The following IL1RAPL2 variants were observed in gnomAD, a reference collection of about 807,000 sequenced individuals.
IL1RAPL2 encodes interleukin 1 receptor accessory protein like 2, also known as X-linked interleukin-1 receptor accessory protein-like 2.
A neutral mutation model predicts 44.1 loss-of-function variants in IL1RAPL2; 3 were observed. That is an observed-to-expected ratio of 0.07 (90% CI 0.03 to 0.18). The LOEUF is 0.18. IL1RAPL2 is among the 10% of genes least tolerant of loss of function. The pLI, the probability that IL1RAPL2 is intolerant of heterozygous loss-of-function variation, is 1.00. For missense variants in IL1RAPL2, 391 were observed against 496.4 expected, an observed-to-expected ratio of 0.79 and a Z score of 2.02; for synonymous variants, 181 against 178.8, an observed-to-expected ratio of 1.01 and a Z score of -0.10.
In IL1RAPL2 at chrX:104,715,430, A is replaced by AC. The variant is rs1202628494; in HGVS notation, c.82+56435_82+56436insC. Among the ~76,000 whole-genome samples the AC allele has an allele frequency of 1.4e-4, 15 of 107,249 alleles. No homozygotes were observed. In the East Asian group the frequency reaches 1.5e-3, roughly 11 times the overall value. The allele number at this position is 107,249 out of a possible 115,157, so 93.1% of individuals were successfully genotyped here. A position where few individuals can be genotyped will look rare whatever the true frequency, so the allele number is the denominator to read the frequency against. ...TTTCTATTTTTTCAAAAAAAAAAAA[A>AC]AAAACCAGATCCTGGATTAGTTGAT... is the stretch of plus-strand genomic sequence containing the variant. On this transcript the variant is annotated intron_variant, in intron 2 of 10. Transcript: ENST00000372582.
intron 10 of IL1RAPL2, among the ~76,000 whole-genome samples, chrX:105,762,974 C>T (rs2038700004): frequency 9.0e-6 from 1 of 110,714 alleles, no homozygotes; most frequent in Non-Finnish European, 1.9e-5. Context: ...AAAACCACAA[C>T]CCTATGAGGG....
chrX:104,832,303 T>G, intron 2 of IL1RAPL2, among the ~76,000 whole-genome samples: 1 of 111,759 alleles, frequency 8.9e-6, no homozygotes, highest in East Asian at 2.8e-4. Flanking sequence ...CATATATAAT[T>G]ATGGGGCACA....
At chrX:104,949,041 C>G (rs768389517) in intron 2 of IL1RAPL2, among the ~76,000 whole-genome samples, 1 of 110,309 alleles carries the variant, frequency 9.1e-6, no homozygotes, top group South Asian at 4.0e-4. Flanking sequence ...GTGAATCCAT[C>G]TCGTCCTGGA....
chrX:104,917,302 G>A (rs928971707), intron 2 of IL1RAPL2, among the ~76,000 whole-genome samples: 47 of 111,698 alleles, frequency 4.2e-4, no homozygotes, highest in Non-Finnish European at 1.5e-4. Context: ...AATCTGAAAG[G>A]CTCAAAGTCT....
chrX:105,587,745 TA>T (rs1279828124), intron 6 of IL1RAPL2, among the ~76,000 whole-genome samples: 4 of 112,009 alleles, frequency 3.6e-5, no homozygotes, highest in Non-Finnish European at 7.5e-5. Flanking sequence ...ATATGTTTTT[TA>T]AAAATTTCCA....
At chrX:104,604,608 G>A (rs777176846) in intron 1 of IL1RAPL2, among the ~76,000 whole-genome samples, 13 of 64,331 alleles carry the variant, frequency 2.0e-4, no homozygotes, top group African/African-American at 8.3e-4. Flanking sequence ...AGGGATGGAG[G>A]AATATTTACT....
intron 2 of IL1RAPL2, among the ~76,000 whole-genome samples, chrX:104,933,034 C>G (rs1043550477): frequency 3.6e-5 from 4 of 111,802 alleles, no homozygotes; most frequent in Admixed American, 9.5e-5. Flanking sequence ...TTTGGATTGA[C>G]AGTCAAATTA....
At chrX:105,292,099 A>G (rs934524545) in intron 5 of IL1RAPL2, among the ~76,000 whole-genome samples, 2 of 111,634 alleles carry the variant, frequency 1.8e-5, no homozygotes, top group African/African-American at 6.5e-5. Context: ...TAATGATATT[A>G]ATATATATGA....
intron 5 of IL1RAPL2, among the ~76,000 whole-genome samples, chrX:105,420,480 A>G (rs749202136): frequency 3.6e-5 from 4 of 112,092 alleles, no homozygotes; most frequent in Non-Finnish European, 5.6e-5. Context: ...GCAACTTCAC[A>G]TGACCCTTCC....
At chrX:105,420,214 A>C (rs2035764339) in intron 5 of IL1RAPL2, among the ~76,000 whole-genome samples, 1 of 111,402 alleles carries the variant, frequency 9.0e-6, no homozygotes, top group Non-Finnish European at 1.9e-5. Flanking sequence ...GTTAGGCTCC[A>C]CTCTGAAATT....
chrX:105,578,166 T>G (rs1177342647), intron 6 of IL1RAPL2, among the ~76,000 whole-genome samples: 4 of 109,360 alleles, frequency 3.7e-5, no homozygotes, highest in Non-Finnish European at 5.7e-5. Context: ...TTTATAATCA[T>G]TTGTAACAGC....
chrX:105,454,936 TA>T (rs2036045049), intron 5 of IL1RAPL2, among the ~76,000 whole-genome samples: 1 of 105,204 alleles, frequency 9.5e-6, no homozygotes, highest in African/African-American at 3.5e-5. Context: ...ACTGAAGCAC[TA>T]GCGGATACCA....
At chrX:104,672,448 A>G (rs1930629626) in intron 2 of IL1RAPL2, among the ~76,000 whole-genome samples, 1 of 109,836 alleles carries the variant, frequency 9.1e-6, no homozygotes, top group African/African-American at 3.3e-5. Context: ...ATGGCTGCAT[A>G]GTATTCCATG....
At chrX:105,343,015 C>T (rs1412007063) in intron 5 of IL1RAPL2, among the ~76,000 whole-genome samples, 2 of 109,409 alleles carry the variant, frequency 1.8e-5, no homozygotes, top group African/African-American at 6.9e-5. Context: ...TTCTGAAATC[C>T]AGGCAATAGA....
At chrX:104,680,061 G>C (rs1427075116) in intron 2 of IL1RAPL2, among the ~76,000 whole-genome samples, 1 of 111,778 alleles carries the variant, frequency 8.9e-6, no homozygotes, top group African/African-American at 3.3e-5. Context: ...GGACCAGACA[G>C]GTTTTTCAAT....
chrX:105,095,301 G>A (rs923528792), intron 2 of IL1RAPL2, among the ~76,000 whole-genome samples: 3 of 111,402 alleles, frequency 2.7e-5, no homozygotes, highest in African/African-American at 9.8e-5. Context: ...CTAGCTTTGT[G>A]TTTTTAATAG....
chrX:105,154,692 G>A (rs2033255289), intron 2 of IL1RAPL2, among the ~76,000 whole-genome samples: 1 of 110,963 alleles, frequency 9.0e-6, no homozygotes, highest in Admixed American at 9.6e-5. Context: ...TCCTCCACTG[G>A]ATCCTCTTTT....
Position 104,944,001 on chromosome X carries a change from A to C in IL1RAPL2, c.83-251474A>C, listed in dbSNP as rs967893921. ...TTGGTGACCCTAAAAGTGGCTCCTC[A>C]TGTGTGGAAGTAGCTGATGTGGATT... is the stretch of plus-strand genomic sequence containing the variant. On this transcript the variant is annotated intron_variant, in intron 2 of 10. Transcript: ENST00000372582. Among the ~76,000 whole-genome samples the C allele has an allele frequency of 2.7e-5, 3 of 111,767 alleles. No homozygotes were observed. The Admixed American group carries it at 2.9e-4, about 11-fold the overall frequency.
At chrX:104,755,157 G>A (rs1932321227) in intron 2 of IL1RAPL2, among the ~76,000 whole-genome samples, 1 of 111,102 alleles carries the variant, frequency 9.0e-6, no homozygotes, top group South Asian at 3.8e-4. Flanking sequence ...TCATACTCAC[G>A]GTATCTTGTA....
Sources: gnomAD v4.1 joint callset for allele counts (sites outside exome capture counted in the v4.1 genomes callset) on GRCh38, gnomAD v4.1.1 for gene constraint, MANE v1.5 for transcripts, NCBI Gene and HGNC (gene_info 2026-07-23, HGNC 2026-07-21) for gene names.